The following COL18A1 variants were observed in gnomAD, a reference collection of about 807,000 sequenced individuals.
The protein encoded by COL18A1 is collagen alpha-1(XVIII) chain.
Under a neutral mutation model 168.0 loss-of-function variants are expected in COL18A1, and 133 were observed. The ratio of observed to expected loss-of-function variants is 0.79; its 90% CI spans 0.69 to 0.91. The LOEUF (loss-of-function observed/expected upper bound fraction) is 0.91, where lower values mean the gene tolerates loss of function less well. Among genes scored for constraint, COL18A1 ranks in the 40% least tolerant of loss-of-function variants. The pLI, the probability that COL18A1 is intolerant of heterozygous loss-of-function variation, is 0.00. For synonymous variants in COL18A1, 949 were observed against 809.0 expected (o/e 1.17, Z -2.94); for missense variants, 2,126 against 1,925.4 (o/e 1.10, Z -1.95).
chr21:45,509,556 A>ACCCACAAG lies in COL18A1; in HGVS notation c.3456_3463dup (p.Pro1155GlnfsTer99). ...CCTACGTGCACCTGCGGCCGGCGCG[A>ACCCACAAG]CCCACAAGCCCACCCGCCCACAGCC... On this transcript the variant is annotated frameshift_variant, in exon 39 of 42. Coordinates refer to ENST00000651438, the MANE Select transcript of COL18A1 (RefSeq NM_001379500.1). LOFTEE classifies it high-confidence loss of function. 6.5e-7 allele frequency: 1 copy of ACCCACAAG among 1,533,714 alleles called. No homozygotes were observed. Among genetic ancestry groups the ACCCACAAG allele is most frequent in the Non-Finnish European group, 8.7e-7 (1 of 1,143,484 alleles).
chr21:45,488,007 CA>C (rs1343082516), intron 17 of COL18A1, among the ~76,000 whole-genome samples: 2 of 152,200 alleles, frequency 1.3e-5, no homozygotes, highest in African/African-American at 4.8e-5. Flanking sequence ...GGGGCAGACC[CA>C]GGGGCCACAA....
intron 15 of COL18A1, among the ~76,000 whole-genome samples, chr21:45,484,232 GCACA>G (rs948414968): frequency 1.7e-5 from 2 of 120,398 alleles, no homozygotes; most frequent in African/African-American, 3.3e-5. Context: ...CAGCATATGT[GCACA>G]CACACCTCTC....
intron 2 of COL18A1, among the ~76,000 whole-genome samples, chr21:45,454,675 G>A (rs1247756490): frequency 1.3e-5 from 2 of 152,252 alleles, no homozygotes; most frequent in African/African-American, 4.8e-5. Context: ...GAGGGCATAA[G>A]GCACACTCAG....
intron 2 of COL18A1, among the ~76,000 whole-genome samples, chr21:45,431,540 C>T (rs1202052052): frequency 5.7e-5 from 7 of 122,022 alleles, no homozygotes; most frequent in East Asian, 2.4e-4. Flanking sequence ...CAGGACTCGG[C>T]GGCCCAGGGG....
intron 9 of COL18A1, among the ~76,000 whole-genome samples, chr21:45,479,378 G>A (rs550103224): frequency 6.6e-6 from 1 of 150,702 alleles, no homozygotes; most frequent in African/African-American, 2.4e-5. Context: ...CACACCACAG[G>A]TGGACGCATG....
In COL18A1 at chr21:45,497,645, C is replaced by T. The variant is rs944844097; in HGVS notation, c.2667C>T (p.Gly889=). Residue 889 remains glycine (G), a synonymous_variant, in exon 32 of 42, where the codon GGC becomes GGT. Transcript: ENST00000651438. ...CCAAGGGCGCCAAAGGAGAAGTGGG[C>T]CCCCCCGGACCACCAGGTGAGCAAC... ...PGPKGAKGEV[G]PPGPPGQFPF... 7.7e-6 allele frequency: 12 copies of T among 1,566,644 alleles called. No homozygotes were observed. Among genetic ancestry groups the T allele is most frequent in the East Asian group, 7.1e-5 (3 of 42,176 alleles).
chr21:45,477,493 G>T lies in COL18A1; in HGVS notation c.1005+6G>T. The T allele has an allele frequency of 6.2e-7, 1 of 1,605,238 alleles. No individual in the cohort carries two copies. The highest frequency in any genetic ancestry group is 8.5e-7 in the Non-Finnish European group (1 of 1,175,914). ...CTGGGGGCCGCGTGAAAGAGGTAAG[G>T]CCACCTCCCTGTGCTCCTGAACCAT... On this transcript the variant is annotated splice_donor_region_variant and intron_variant, in intron 7 of 41. Coordinates refer to ENST00000651438, the MANE Select transcript of COL18A1 (RefSeq NM_001379500.1).
chr21:45,486,817 G>A lies in COL18A1; in HGVS notation c.1702-44G>A, dbSNP rs543402988. 279 of 1,524,450 alleles carry A rather than the reference G, an allele frequency of 1.8e-4. 3 individuals carry two copies. The South Asian group carries it at 2.8e-3, about 16-fold the overall frequency. The allele number at this position is 1,524,450 out of a possible 1,614,324, so 94.4% of individuals were successfully genotyped here. On this transcript the variant is annotated intron_variant, in intron 15 of 41. Transcript: ENST00000651438. ...TCTACGCTGGGGTTGCAGGGCCAGCGGGGGCTGGGCTGGGTCCTGACACGC... is the reference window on the plus strand; with the variant it reads ...TCTACGCTGGGGTTGCAGGGCCAGCAGGGGCTGGGCTGGGTCCTGACACGC...
chr21:45,452,680 T>A (rs568441792), intron 2 of COL18A1, among the ~76,000 whole-genome samples: 1 of 148,258 alleles, frequency 6.7e-6, no homozygotes, highest in East Asian at 2.1e-4. Context: ...GTGTGACATG[T>A]GTGAGCATGT....
chr21:45,409,758 G>A (rs1406410454), intron 2 of COL18A1, among the ~76,000 whole-genome samples: 1 of 152,232 alleles, frequency 6.6e-6, no homozygotes, highest in African/African-American at 2.4e-5. Flanking sequence ...ACCCCGGGGC[G>A]GGAGTGGCTG....
chr21:45,442,377 T>TCGG (rs1349452561), intron 2 of COL18A1, among the ~76,000 whole-genome samples: 1 of 152,180 alleles, frequency 6.6e-6, no homozygotes, highest in Non-Finnish European at 1.5e-5. Flanking sequence ...CCCCTCACTC[T>TCGG]CTGGCTGCAC....
At chr21:45,419,426 C>T (rs998858339) in intron 2 of COL18A1, among the ~76,000 whole-genome samples, 7 of 152,240 alleles carry the variant, frequency 4.6e-5, no homozygotes, top group South Asian at 4.1e-4. Context: ...CTCGCAGGAT[C>T]GCCAAGGCCA....
chr21:45,494,090 G>A (rs775052425), intron 26 of COL18A1: 10 of 297,388 alleles, frequency 3.4e-5, no homozygotes, highest in Middle Eastern at 1.1e-3. Flanking sequence ...GTGGGCCACC[G>A]GCTCTCCCAC....
At chr21:45,414,901 G>A (rs1479200607) in intron 2 of COL18A1, among the ~76,000 whole-genome samples, 2 of 152,140 alleles carry the variant, frequency 1.3e-5, no homozygotes, top group Non-Finnish European at 2.9e-5. Flanking sequence ...TGGGCCCCAC[G>A]TCATTACGAG....
At chr21:45,450,645 G>A (rs1355287739) in intron 2 of COL18A1, among the ~76,000 whole-genome samples, 1 of 152,246 alleles carries the variant, frequency 6.6e-6, no homozygotes, top group Non-Finnish European at 1.5e-5. Flanking sequence ...GGGCAGGGCG[G>A]AGACAGTGGG....
At chr21:45,430,729 C>T (rs1186759361) in intron 2 of COL18A1, among the ~76,000 whole-genome samples, 1 of 152,146 alleles carries the variant, frequency 6.6e-6, no homozygotes, top group Non-Finnish European at 1.5e-5. Context: ...GGAGGCTGCA[C>T]TGCAAGGGAG....
chr21:45,477,381 G>T, intron 6 of COL18A1, 30 bp from the exon 7 acceptor site: 1 of 1,596,270 alleles, frequency 6.3e-7, no homozygotes, highest in South Asian at 1.1e-5. Context: ...CGGGGGGCGT[G>T]ACCGTGGCCA....
At chr21:45,470,425 C>CTTTTTT (rs1195744330) in intron 3 of COL18A1, among the ~76,000 whole-genome samples, 61 of 37,062 alleles carry the variant, frequency 1.6e-3, no homozygotes, top group Non-Finnish European at 2.1e-3. Flanking sequence ...TTTACCTTGT[C>CTTTTTT]TTTTTTTTTT....
chr21:45,416,145 C>T (rs1429550589), intron 2 of COL18A1, among the ~76,000 whole-genome samples: 1 of 152,202 alleles, frequency 6.6e-6, no homozygotes, highest in Non-Finnish European at 1.5e-5. Flanking sequence ...TGAATCACGC[C>T]TCTCATTGGC....
Sources: allele counts gnomAD v4.1 joint callset (sites outside exome capture counted in the v4.1 genomes callset), GRCh38; gene constraint gnomAD v4.1.1; transcripts MANE v1.5; gene names NCBI Gene and HGNC (gene_info 2026-07-23, HGNC 2026-07-21).